The following LMO3 variants were observed in gnomAD, a reference collection of about 807,000 sequenced individuals.
LMO3 encodes LIM domain only 3.
LMO3 carries 2 observed loss-of-function variants against 15.8 expected under a neutral mutation model. The ratio of observed to expected loss-of-function variants is 0.13; its 90% CI spans 0.05 to 0.40. LMO3 has a LOEUF of 0.40. Among genes scored for constraint, LMO3 ranks in the 10% least tolerant of loss-of-function variants. The pLI is 0.99. For missense variants in LMO3, 86 were observed against 182.2 expected (o/e 0.47, Z 3.04); for synonymous variants, 62 against 63.8 (o/e 0.97, Z 0.13).
chr12:16,591,417 G>A lies in LMO3; in HGVS notation c.206+9238C>T, dbSNP rs1293762946. ...CAAAATTCTACAAACCTCTTGTACT[G>A]CTTCATTTTCTCCTCATTGTGTTTA... On this transcript the variant is annotated intron_variant, in intron 2 of 3. Transcript: ENST00000537304. This position sits in a 1 kb window ranked among gnomAD's most constrained non-coding sequence, Gnocchi z 4.1. Among the ~76,000 whole-genome samples, 1 of 151,872 alleles carries A rather than the reference G, an allele frequency of 6.6e-6. No homozygotes were observed. The highest frequency in any genetic ancestry group is 1.5e-5 in the Non-Finnish European group (1 of 67,944).
At chr12:16,575,646 C>T (rs1279271781) in intron 2 of LMO3, among the ~76,000 whole-genome samples, 1 of 152,050 alleles carries the variant, frequency 6.6e-6, no homozygotes, top group African/African-American at 2.4e-5. Flanking sequence ...ATACACCCAG[C>T]GTCACATAGA....
rs1051479355 is a variant in LMO3, at chr12:16,560,882, C to T, written c.207-344G>A. 1.7e-5 allele frequency: 4 copies of T among 240,740 alleles called. No individual in the cohort carries two copies. Among genetic ancestry groups the T allele is most frequent in the African/African-American group, 9.2e-5 (4 of 43,274 alleles). 14.9% of individuals were successfully genotyped at this position (240,740 alleles called of 1,614,324 possible). A position where few individuals can be genotyped will look rare whatever the true frequency, so the allele number is the denominator to read the frequency against. ...AATATAAAAGCAATATAACTTTGCT[C>T]TTAATGTTATATATTAAACATTTTA... On this transcript the variant is annotated intron_variant, in intron 2 of 3. Coordinates refer to ENST00000537304, the MANE Select transcript of LMO3 (RefSeq NM_018640.5). This position sits in a 1 kb window ranked among gnomAD's most constrained non-coding sequence, Gnocchi z 5.0.
At chr12:16,566,821 C>T (rs1222393768) in intron 2 of LMO3, among the ~76,000 whole-genome samples, 1 of 152,106 alleles carries the variant, frequency 6.6e-6, no homozygotes, top group African/African-American at 2.4e-5. Flanking sequence ...CATGCACATA[C>T]ACACATAATA....
chr12:16,588,446 T>C (rs1943390782), intron 2 of LMO3, among the ~76,000 whole-genome samples: 1 of 152,074 alleles, frequency 6.6e-6, no homozygotes, highest in Non-Finnish European at 1.5e-5. Flanking sequence ...AATATAATTC[T>C]ACTCTATGGA....
chr12:16,559,810 A>C lies in LMO3; in HGVS notation c.332+603T>G, dbSNP rs1942323359. Among the ~76,000 whole-genome samples, 1 of 151,696 alleles carries C rather than the reference A, an allele frequency of 6.6e-6. No individual in the cohort carries two copies. The highest frequency in any genetic ancestry group is 6.6e-5 in the Admixed American group (1 of 15,214). On this transcript the variant is annotated intron_variant, in intron 3 of 3. Transcript: ENST00000537304. This position sits in a 1 kb window ranked among gnomAD's most constrained non-coding sequence, Gnocchi z 4.1. ...CTCTATAAAAAATGAAAAAAAAAAA[A>C]AATTAGCCAGGCATGGGAGTGCACA...
At position 16,604,117 on chromosome 12, in the gene LMO3, A is replaced by C. The variant is rs1943915212; in HGVS notation, c.-9+1949T>G. 6.6e-6 allele frequency among the ~76,000 whole-genome samples: 1 copy of C among 152,204 alleles called. No individual in the cohort carries two copies. The highest frequency in any genetic ancestry group is 1.5e-5 in the Non-Finnish European group (1 of 68,042). On this transcript the variant is annotated intron_variant, in intron 1 of 3. Transcript: ENST00000537304. This position sits in a 1 kb window ranked among gnomAD's most constrained non-coding sequence, Gnocchi z 5.3. ...GGCCATTCGATTGCCAAGAGGCACC[A>C]GACAAAAGATTTTCTCTCCTCCTGC...
chr12:16,604,360 C>G lies in LMO3; in HGVS notation c.-9+1706G>C, dbSNP rs756666398. Among the ~76,000 whole-genome samples the G allele has an allele frequency of 5.3e-5, 8 of 152,122 alleles. No homozygotes were observed. The highest frequency in any genetic ancestry group is 8.8e-5 in the Non-Finnish European group (6 of 68,034). ...AGCCCCCTTCCCTATCCTTCACCCCCCTCCCCTTTTTGAGCAATGGAGCTG... is the reference window on the plus strand; with the variant it reads ...AGCCCCCTTCCCTATCCTTCACCCCGCTCCCCTTTTTGAGCAATGGAGCTG... On this transcript the variant is annotated intron_variant, in intron 1 of 3. Coordinates refer to ENST00000537304, the MANE Select transcript of LMO3 (RefSeq NM_018640.5). This position sits in a 1 kb window ranked among gnomAD's most constrained non-coding sequence, Gnocchi z 5.3.
chr12:16,566,820 A>G (rs1360724002), intron 2 of LMO3, among the ~76,000 whole-genome samples: 1 of 152,204 alleles, frequency 6.6e-6, no homozygotes, highest in African/African-American at 2.4e-5. Context: ...ACATGCACAT[A>G]CACACATAAT....
rs1240230217 is a variant in LMO3, at chr12:16,551,211, A to T, written c.*11T>A. On this transcript the variant is annotated 3_prime_UTR_variant, in exon 4 of 4. Transcript: ENST00000537304. Reference sequence around the variant, plus strand: ...AGTGCTTTGTATTCTTAATGGGGTGATGTTGATAGATCAGCGAACCTGGGG... The same window carrying T: ...AGTGCTTTGTATTCTTAATGGGGTGTTGTTGATAGATCAGCGAACCTGGGG... The T allele has an allele frequency of 2.0e-6, 3 of 1,489,530 alleles. No individual in the cohort carries two copies. In the African/African-American group the frequency reaches 4.1e-5, roughly 21 times the overall value. 92.3% of individuals were successfully genotyped at this position (1,489,530 alleles called of 1,614,324 possible).
intron 2 of LMO3, among the ~76,000 whole-genome samples, chr12:16,569,423 T>C (rs1942733176): frequency 6.6e-6 from 1 of 152,184 alleles, no homozygotes; most frequent in Non-Finnish European, 1.5e-5. Flanking sequence ...CACCTGACTC[T>C]TAAAAGTTGC....
Position 16,604,891 on chromosome 12 carries a change from A to G in LMO3, c.-9+1175T>C, listed in dbSNP as rs757100159. 6.3e-7 allele frequency: 1 copy of G among 1,598,438 alleles called. No individual in the cohort carries two copies. On this transcript the variant is annotated intron_variant, in intron 1 of 3. Coordinates refer to ENST00000537304, the MANE Select transcript of LMO3 (RefSeq NM_018640.5). The surrounding 1 kb of genome is among the most constrained non-coding windows in gnomAD (Gnocchi z 5.3). ...AAAACTTTTCTCCTTTTTCTGCATG[A>G]GTTGACTTAGGCGTGTCTGAGTTGC...
Position 16,560,448 on chromosome 12 carries a change from G to A in LMO3, c.297C>T (p.His99=), listed in dbSNP as rs1942359528. ...MVMRAKDNVY[H]LDCFACQLCN... is the part of the protein sequence containing the mutation. ...AAAGCTGACATGCAAAGCAGTCCAG[G>A]TGGTAAACATTGTCCTTGGCACGCA... Residue 99 remains histidine (H), a synonymous_variant, in exon 3 of 4, where the codon CAC becomes CAT. Coordinates refer to ENST00000537304, the MANE Select transcript of LMO3 (RefSeq NM_018640.5). This position sits in a 1 kb window ranked among gnomAD's most constrained non-coding sequence, Gnocchi z 5.0. 3.7e-6 allele frequency: 6 copies of A among 1,613,940 alleles called. No individual in the cohort carries two copies. The East Asian group carries it at 1.1e-4, about 30-fold the overall frequency.
At chr12:16,572,203 A>T (rs533980321) in intron 2 of LMO3, among the ~76,000 whole-genome samples, 1 of 152,090 alleles carries the variant, frequency 6.6e-6, no homozygotes, top group South Asian at 2.1e-4. Flanking sequence ...AGAAGGAGAA[A>T]TACTAAAGTT....
chr12:16,580,125 C>T (rs566860029), intron 2 of LMO3, among the ~76,000 whole-genome samples: 2 of 152,184 alleles, frequency 1.3e-5, no homozygotes, highest in Non-Finnish European at 2.9e-5. Flanking sequence ...AAAATATACA[C>T]CTACGTTATT....
At position 16,598,285 on chromosome 12, in the gene LMO3, ACTT is replaced by A. The variant is rs1943719349; in HGVS notation, c.206+2367_206+2369del. The A allele has an allele frequency of 6.6e-6, 1 of 152,062 alleles. No individual in the cohort carries two copies. 9.4% of individuals were successfully genotyped at this position (152,062 alleles called of 1,614,324 possible). ...TTTACACACACCAATTCTCCACTTC[ACTT>A]CTGCAATTTTAAGTGTTGATGAAGT... is the stretch of plus-strand genomic sequence containing the variant. On this transcript the variant is annotated intron_variant, in intron 2 of 3. Coordinates refer to ENST00000537304, the MANE Select transcript of LMO3 (RefSeq NM_018640.5). The surrounding 1 kb of genome is among the most constrained non-coding windows in gnomAD (Gnocchi z 4.3).
At chr12:16,566,172 A>T (rs60591828) in intron 2 of LMO3, among the ~76,000 whole-genome samples, 3 of 151,070 alleles carry the variant, frequency 2.0e-5, no homozygotes, top group African/African-American at 7.3e-5. Context: ...GATCTCAGTC[A>T]TTTGGAAGCT....
chr12:16,573,427 G>A (rs907825279), intron 2 of LMO3: 1 of 152,144 alleles, frequency 6.6e-6, no homozygotes, highest in African/African-American at 2.4e-5. Context: ...ATTTGAACGC[G>A]TGTGTGCGTG....
rs1941969783 is a variant in LMO3, at chr12:16,551,051, G to C, written c.*171C>G. ...ATAATAAACATTCAACTCTGAACTG[G>C]GGCAATTTCACTACATACAGATGCA... is the stretch of plus-strand genomic sequence containing the variant. On this transcript the variant is annotated 3_prime_UTR_variant, in exon 4 of 4. Transcript: ENST00000537304. 7.6e-6 allele frequency: 4 copies of C among 526,924 alleles called. No individual in the cohort carries two copies. The South Asian group carries it at 1.3e-4, about 17-fold the overall frequency. 32.6% of individuals were successfully genotyped at this position (526,924 alleles called of 1,614,324 possible).
rs1942989620 is a variant in LMO3 at position 16,576,137 on chromosome 12, G to A, written c.207-15599C>T. Among the ~76,000 whole-genome samples the A allele has an allele frequency of 6.6e-6, 1 of 152,064 alleles. No homozygotes were observed. The highest frequency in any genetic ancestry group is 1.5e-5 in the Non-Finnish European group (1 of 67,996). On this transcript the variant is annotated intron_variant, in intron 2 of 3. Transcript: ENST00000537304. This position sits in a 1 kb window ranked among gnomAD's most constrained non-coding sequence, Gnocchi z 4.1. ...CTCCCAGCTGAACATCTTTCCACCA[G>A]CCTGCCCTGCCCTGCTGTCCGCCTT... is the stretch of plus-strand genomic sequence containing the variant.
Sources: gnomAD v4.1 joint callset for allele counts (sites outside exome capture counted in the v4.1 genomes callset) on GRCh38, gnomAD v4.1.1 for gene constraint, Gnocchi (gnomAD v3.1) non-coding constraint, MANE v1.5 for transcripts, NCBI Gene and HGNC (gene_info 2026-07-23, HGNC 2026-07-21) for gene names.